Variants in CACNA1D observed in about 807,000 individuals in gnomAD.
CACNA1D encodes voltage-dependent L-type calcium channel subunit alpha-1D.
CACNA1D carries 55 observed loss-of-function variants against 257.1 expected under a neutral mutation model. That is an observed-to-expected ratio of 0.21 (90% CI 0.17 to 0.27). The LOEUF is 0.27. CACNA1D is among the 10% of genes least tolerant of loss of function. The pLI is 1.00. For missense variants in CACNA1D, 1,876 were observed against 2,784.0 expected (o/e 0.67, Z 7.34); for synonymous variants, 980 against 1,014.9 (o/e 0.97, Z 0.65).
At chr3:53,713,711 G>C (rs929317023) in intron 9 of CACNA1D, among the ~76,000 whole-genome samples, 2 of 152,194 alleles carry the variant, frequency 1.3e-5, no homozygotes, top group African/African-American at 2.4e-5. Context: ...CATTGCCCAT[G>C]ATAACATCTG....
rs374389247 is a variant in CACNA1D at position 53,616,402 on chromosome 3, A to G, written c.484-34377A>G. 1.1e-4 allele frequency among the ~76,000 whole-genome samples: 16 copies of G among 152,322 alleles called. No homozygotes were observed. The South Asian group carries it at 3.1e-3, about 30-fold the overall frequency. ...GAAAAGGAATGAGGAAGAGGTTGAC[A>G]TTCCCAGTCTGTGTCTTCCTGTCCC... is the stretch of plus-strand genomic sequence containing the variant. On this transcript the variant is annotated intron_variant, in intron 3 of 47. Transcript: ENST00000350061.
intron 3 of CACNA1D, among the ~76,000 whole-genome samples, chr3:53,579,045 G>A (rs2093086920): frequency 1.3e-5 from 2 of 152,194 alleles, no homozygotes; most frequent in Non-Finnish European, 2.9e-5. Context: ...AGCAGCAGGC[G>A]GAGGAGGAGC....
intron 40 of CACNA1D, among the ~76,000 whole-genome samples, chr3:53,788,296 G>C (rs2095466698): frequency 6.6e-6 from 1 of 152,160 alleles, no homozygotes; most frequent in Non-Finnish European, 1.5e-5. Flanking sequence ...TTGGCAGGTG[G>C]ACCATGAATC....
intron 8 of CACNA1D, among the ~76,000 whole-genome samples, chr3:53,683,980 A>G (rs1471362625): frequency 6.6e-6 from 1 of 152,216 alleles, no homozygotes; most frequent in Non-Finnish European, 1.5e-5. Context: ...TGCTAAGCAC[A>G]TCAAATTTAG....
At chr3:53,701,136 GTTA>G (rs200118929) in intron 8 of CACNA1D, among the ~76,000 whole-genome samples, 2 of 149,114 alleles carry the variant, frequency 1.3e-5, no homozygotes, top group African/African-American at 4.9e-5. Context: ...TGTTGTTGTT[GTTA>G]TTATTATTAT....
In CACNA1D at chr3:53,666,408, G is replaced by T; in HGVS notation, c.989G>T (p.Gly330Val). The T allele has an allele frequency of 6.2e-7, 1 of 1,614,180 alleles. No homozygotes were observed. Among genetic ancestry groups the T allele is most frequent in the Non-Finnish European group, 8.5e-7 (1 of 1,180,020 alleles). ...AATGGACGCCAGTGTACTGCCAATG[G>T]CACGGAATGTAGGAGTGGCTGGGTT... ...SGNGRQCTAN[G>V]TECRSGWVGP... Residue 330 changes from glycine (G) to valine (V), a missense_variant, in exon 7 of 48, where the codon GGC (glycine) becomes GTC (valine). Gly to Val is a moderately radical substitution (Grantham distance 109, BLOSUM62 -3). Around this residue, in one of 10 missense-constraint regions of CACNA1D, gnomAD observed 188 missense variants for 390.4 expected, o/e 0.48. Transcript: ENST00000350061.
In CACNA1D at chr3:53,495,153, A is replaced by G. The variant is rs749190477; in HGVS notation, c.-14A>G. The G allele has an allele frequency of 2.7e-5, 43 of 1,611,222 alleles. No homozygotes were observed. The highest frequency in any genetic ancestry group is 3.3e-5 in the Non-Finnish European group (39 of 1,178,414). Reference sequence around the variant, plus strand: ...GTGCCCTGCACACAGTAGTCGCTCAATAAATGTTCGTGGATGATGATGATG... The same window carrying G: ...GTGCCCTGCACACAGTAGTCGCTCAGTAAATGTTCGTGGATGATGATGATG... On this transcript the variant is annotated 5_prime_UTR_variant, in exon 1 of 48. Coordinates refer to ENST00000350061, the MANE Select transcript of CACNA1D (RefSeq NM_001128840.3). The surrounding 1 kb of genome is among the most constrained non-coding windows in gnomAD (Gnocchi z 5.1).
rs190703336 is a variant in CACNA1D, at chr3:53,539,568, T to A, written c.483+37848T>A. On this transcript the variant is annotated intron_variant, in intron 3 of 47. Coordinates refer to ENST00000350061, the MANE Select transcript of CACNA1D (RefSeq NM_001128840.3). ...TTTCTAGTTTTGTGCTGTTAAAGAA[T>A]TGCTGCTAACCTTGTATCTGTCTCT... is the stretch of plus-strand genomic sequence containing the variant. Among the ~76,000 whole-genome samples, 8 of 152,370 alleles carry A rather than the reference T, an allele frequency of 5.3e-5. No individual in the cohort carries two copies. In the East Asian group the frequency reaches 1.5e-3, roughly 29 times the overall value.
intron 29 of CACNA1D, among the ~76,000 whole-genome samples, chr3:53,760,007 A>G (rs557355650): frequency 2.6e-5 from 4 of 152,276 alleles, no homozygotes; most frequent in South Asian, 4.2e-4. Flanking sequence ...AGATCATCAG[A>G]TTTGGGGCTC....
intron 20 of CACNA1D, among the ~76,000 whole-genome samples, chr3:53,738,899 T>C (rs1236466052): frequency 6.6e-6 from 1 of 151,814 alleles, no homozygotes; most frequent in African/African-American, 2.4e-5. Flanking sequence ...TCCATGTTAA[T>C]ATTCCCACTG....
At chr3:53,595,979 C>T (rs1403142875) in intron 3 of CACNA1D, among the ~76,000 whole-genome samples, 1 of 152,106 alleles carries the variant, frequency 6.6e-6, no homozygotes, top group African/African-American at 2.4e-5. Context: ...TTCTTGATCT[C>T]CTGGGGTTTC....
chr3:53,697,143 C>G (rs969982411), intron 8 of CACNA1D, among the ~76,000 whole-genome samples: 1 of 152,208 alleles, frequency 6.6e-6, no homozygotes, highest in South Asian at 2.1e-4. Context: ...GACCTAGAGA[C>G]AGAAGATCTA....
intron 3 of CACNA1D, among the ~76,000 whole-genome samples, chr3:53,516,353 C>A (rs988186088): frequency 3.3e-5 from 5 of 152,182 alleles, no homozygotes; most frequent in African/African-American, 9.7e-5. Context: ...TGCTGCCTTT[C>A]TTTGCCTTAT....
intron 8 of CACNA1D, among the ~76,000 whole-genome samples, chr3:53,682,384 A>AAAAAAC (rs2094439719): frequency 6.7e-6 from 1 of 148,184 alleles, no homozygotes; most frequent in African/African-American, 2.5e-5. Context: ...AAAAAAAAAA[A>AAAAAAC]AAAAAAAAAA....
chr3:53,589,895 C>G (rs899833503), intron 3 of CACNA1D, among the ~76,000 whole-genome samples: 2 of 152,204 alleles, frequency 1.3e-5, no homozygotes, highest in Admixed American at 1.3e-4. Context: ...GTTTGGGTGG[C>G]TGTTTCAGCT....
chr3:53,735,507 A>T lies in CACNA1D; in HGVS notation c.2751+4A>T. ...CAGCCACTCCTTCCGGAACACGGTAAGTCCCCAGGGTGGGGCTCGCTCTGG... is the reference window on the plus strand; with the variant it reads ...CAGCCACTCCTTCCGGAACACGGTATGTCCCCAGGGTGGGGCTCGCTCTGG... On this transcript the variant is annotated splice_donor_region_variant and intron_variant, in intron 20 of 47. Transcript: ENST00000350061. The T allele has an allele frequency of 6.2e-7, 1 of 1,614,012 alleles. No individual in the cohort carries two copies. Among genetic ancestry groups the T allele is most frequent in the South Asian group, 1.1e-5 (1 of 91,086 alleles).
intron 3 of CACNA1D, among the ~76,000 whole-genome samples, chr3:53,636,769 A>T (rs148399741): frequency 1.3e-5 from 2 of 152,358 alleles, no homozygotes; most frequent in East Asian, 1.9e-4. Context: ...TATACATTTC[A>T]TGGAGACAGG....
chr3:53,689,570 G>A lies in CACNA1D; in HGVS notation c.1221-13071G>A, dbSNP rs185378267. Among the ~76,000 whole-genome samples the A allele has an allele frequency of 8.1e-3, 1,229 of 152,174 alleles. 19 individuals carry two copies. The highest frequency in any genetic ancestry group is 0.012 in the Non-Finnish European group (796 of 67,980). On this transcript the variant is annotated intron_variant, in intron 8 of 47. Coordinates refer to ENST00000350061, the MANE Select transcript of CACNA1D (RefSeq NM_001128840.3). ...GATGTGGGAGTTTGTTGTGGCTCGT[G>A]CCTCTCAGATAAGAAGAGGTCTCTG...
At chr3:53,729,463 G>T (rs535167442) in intron 15 of CACNA1D, among the ~76,000 whole-genome samples, 11 of 152,196 alleles carry the variant, frequency 7.2e-5, no homozygotes, top group African/African-American at 2.4e-4. Context: ...CAGATGGCCG[G>T]GCATCAGGCA....
Sources: allele counts gnomAD v4.1 joint callset (sites outside exome capture counted in the v4.1 genomes callset), GRCh38; gene constraint gnomAD v4.1.1; regional missense constraint gnomAD v4.1.1; non-coding constraint Gnocchi (gnomAD v3.1); transcripts MANE v1.5; gene names NCBI Gene and HGNC (gene_info 2026-07-23, HGNC 2026-07-21).